OR5K1: variants seen among roughly 807,000 people sequenced by gnomAD.
The protein encoded by OR5K1 is olfactory receptor family 5 subfamily K member 1, also known as olfactory receptor 5K1.
A neutral mutation model predicts 10.4 loss-of-function variants in OR5K1; 7 were observed. That is an observed-to-expected ratio of 0.67 (90% CI 0.38 to 1.26). The LOEUF (loss-of-function observed/expected upper bound fraction) is 1.26, where lower values mean the gene tolerates loss of function less well. OR5K1 is among the 50% of genes most tolerant of loss of function. The pLI, the probability that OR5K1 is intolerant of heterozygous loss-of-function variation, is 0.02. For synonymous variants in OR5K1, 135 were observed against 128.5 expected (o/e 1.05, Z -0.34); for missense variants, 435 against 366.2 (o/e 1.19, Z -1.53).
chr3:98,463,404 A>G (rs975916512), intron 1 of OR5K1, 97 bp downstream of exon 1: 4 of 152,152 alleles, frequency 2.6e-5, no homozygotes, highest in Admixed American at 6.5e-5. Flanking sequence ...TAAAACTCTA[A>G]TTTTTCAATG....
intron 1 of OR5K1, among the ~76,000 whole-genome samples, chr3:98,468,927 C>T (rs1705406497): frequency 1.3e-5 from 2 of 152,098 alleles, no homozygotes; most frequent in Admixed American, 1.3e-4. Context: ...TTCTCTGGAT[C>T]TTTCTGTCAA....
In OR5K1 at chr3:98,470,596, A is replaced by G; in HGVS notation, c.*93A>G. On this transcript the variant is annotated 3_prime_UTR_variant, in exon 2 of 2. Transcript: ENST00000642057. ...ATGTGAAATTACACAGGGGAAATGC[A>G]TAAATTATAAGTAAAATTTTAATAT... 2 of 675,818 alleles carry G rather than the reference A, an allele frequency of 3.0e-6. No homozygotes were observed. The highest frequency in any genetic ancestry group is 6.5e-5 in the Admixed American group (2 of 30,704). The allele number at this position is 675,818 out of a possible 1,614,324, so 41.9% of individuals were successfully genotyped here. A position where few individuals can be genotyped will look rare whatever the true frequency, so the allele number is the denominator to read the frequency against.
rs1254747654 is a variant in OR5K1, at chr3:98,471,889, T to G, written c.*1386T>G. The G allele has an allele frequency of 6.6e-6, 1 of 152,026 alleles. No homozygotes were observed. Among genetic ancestry groups the G allele is most frequent in the Non-Finnish European group, 1.5e-5 (1 of 67,968 alleles). The allele number at this position is 152,026 out of a possible 1,614,324, so 9.4% of individuals were successfully genotyped here. Reference sequence around the variant, plus strand: ...AACCACCTAGTTTTTCTTTGTAACCTCCAAGAAAATCTAACCTAGTTCATT... The same window carrying G: ...AACCACCTAGTTTTTCTTTGTAACCGCCAAGAAAATCTAACCTAGTTCATT... On this transcript the variant is annotated 3_prime_UTR_variant, in exon 2 of 2. Transcript: ENST00000642057.
intron 1 of OR5K1, among the ~76,000 whole-genome samples, chr3:98,464,957 A>C (rs556731413): frequency 6.6e-6 from 1 of 152,310 alleles, no homozygotes; most frequent in South Asian, 2.1e-4. Flanking sequence ...TTAAATTCCC[A>C]TGATTATTGT....
In OR5K1 at chr3:98,469,991, A is replaced by C. The variant is rs577326972; in HGVS notation, c.415A>C (p.Lys139Gln). Residue 139 changes from lysine to glutamine, a missense_variant, in exon 2 of 2, where the codon AAA becomes CAA. Transcript: ENST00000642057. ...PLQYHIMMSK[K>Q]LCIQMTTGAF... The stretch of plus-strand genomic sequence containing the variant: ...GCAGTACCACATCATGATGTCCAAG[A>C]AACTCTGCATTCAGATGACCACAGG... 2.5e-6 allele frequency: 4 copies of C among 1,613,730 alleles called. No homozygotes were observed. In the South Asian group the frequency reaches 4.4e-5, roughly 18 times the overall value.
chr3:98,469,424 C>CA (rs1705413623), intron 1 of OR5K1, 142 bp from the exon 2 acceptor site: 2 of 697,338 alleles, frequency 2.9e-6, no homozygotes, highest in Non-Finnish European at 4.8e-6. Flanking sequence ...ATTCATTCTC[C>CA]CCATGAATGG....
intron 1 of OR5K1, among the ~76,000 whole-genome samples, chr3:98,464,751 T>C (rs893556725): frequency 4.6e-5 from 7 of 152,178 alleles, no homozygotes; most frequent in Admixed American, 1.3e-4. Flanking sequence ...ATTGCTTCCA[T>C]AGAGGAGGTG....
rs1203616871 is a variant in OR5K1 at position 98,469,583 on chromosome 3, G to A, written c.7G>A (p.Glu3Lys). 1.9e-6 allele frequency: 3 copies of A among 1,607,486 alleles called. No homozygotes were observed. Among genetic ancestry groups the A allele is most frequent in the African/African-American group, 2.7e-5 (2 of 74,684 alleles). Reference protein sequence around the residue: MAEENHTMKNEFI... With the variant: MAKENHTMKNEFI... ...TTTTTCAGACAAGTCAGGAATGGCTGAAGAAAATCATACCATGAAAAATGA... is the reference window on the plus strand; with the variant it reads ...TTTTTCAGACAAGTCAGGAATGGCTAAAGAAAATCATACCATGAAAAATGA... Residue 3 changes from glutamate to lysine, a missense_variant, in exon 2 of 2, where the codon GAA (glutamate) becomes AAA (lysine). By Grantham distance (56) the Glu-to-Lys change is moderately conservative. Coordinates refer to ENST00000642057, the MANE Select transcript of OR5K1 (RefSeq NM_001004736.4).
chr3:98,470,313 T>C lies in OR5K1; in HGVS notation c.737T>C (p.Leu246Ser), dbSNP rs201123313. ...TTTTCTACCTGTGCATCCCACTTTT[T>C]GTCAGTTTCATTATTCTATGGATCT... ...KAFSTCASHF[L>S]SVSLFYGSLF... is the part of the protein sequence containing the mutation. Residue 246 changes from leucine (L) to serine (S), a missense_variant, in exon 2 of 2, where the codon TTG becomes TCG. Physicochemically the swap from Leu to Ser is moderately radical, Grantham distance 145 (BLOSUM62 -2). Transcript: ENST00000642057. 1.1e-4 allele frequency: 179 copies of C among 1,613,236 alleles called. No homozygotes were observed. Among genetic ancestry groups the C allele is most frequent in the Non-Finnish European group, 1.2e-4 (139 of 1,179,644 alleles).
At chr3:98,467,215 T>C (rs1382038113) in intron 1 of OR5K1, among the ~76,000 whole-genome samples, 1 of 90,476 alleles carries the variant, frequency 1.1e-5, no homozygotes, top group East Asian at 3.3e-4. Flanking sequence ...GTTGTAGATA[T>C]GCAGCATTAT....
In OR5K1 at chr3:98,471,194, T is replaced by A. The variant is rs970369094; in HGVS notation, c.*691T>A. 2.0e-5 allele frequency: 3 copies of A among 152,022 alleles called. No individual in the cohort carries two copies. Among genetic ancestry groups the A allele is most frequent in the Non-Finnish European group, 4.4e-5 (3 of 67,978 alleles). 9.4% of individuals were successfully genotyped at this position (152,022 alleles called of 1,614,324 possible). On this transcript the variant is annotated 3_prime_UTR_variant, in exon 2 of 2. Transcript: ENST00000642057. ...TTATCTACTCCCATATCTACCTGCATAAATATACCATAACACAAACTTCCA... is the reference window on the plus strand; with the variant it reads ...TTATCTACTCCCATATCTACCTGCAAAAATATACCATAACACAAACTTCCA...
At position 98,471,344 on chromosome 3, in the gene OR5K1, G is replaced by T. The variant is rs1190607886; in HGVS notation, c.*841G>T. The T allele has an allele frequency of 6.6e-6, 1 of 151,914 alleles. No homozygotes were observed. Among genetic ancestry groups the T allele is most frequent in the African/African-American group, 2.4e-5 (1 of 41,390 alleles). 9.4% of individuals were successfully genotyped at this position (151,914 alleles called of 1,614,324 possible). A position where few individuals can be genotyped will look rare whatever the true frequency, so the allele number is the denominator to read the frequency against. ...TCAACAATAGAGACCACTACCCTGGGTATATTATATATAGAAATGTAAAAC... is the reference window on the plus strand; with the variant it reads ...TCAACAATAGAGACCACTACCCTGGTTATATTATATATAGAAATGTAAAAC... On this transcript the variant is annotated 3_prime_UTR_variant, in exon 2 of 2. Transcript: ENST00000642057.
Position 98,469,777 on chromosome 3 carries a change from T to G in OR5K1, c.201T>G (p.Ala67=), listed in dbSNP as rs1705419438. The change falls in exon 2 of 2, where the codon GCT becomes GCG. Residue 67 remains alanine, a synonymous_variant. Coordinates refer to ENST00000642057, the MANE Select transcript of OR5K1 (RefSeq NM_001004736.4). ...TGTACATCTTTCTGGGAAATCTGGC[T>G]CTTGTGGATTCTTGCTGTGCCTGTG... ...TPMYIFLGNL[A]LVDSCCACAI... The G allele has an allele frequency of 6.2e-7, 1 of 1,613,624 alleles. No individual in the cohort carries two copies. The highest frequency in any genetic ancestry group is 1.3e-5 in the African/African-American group (1 of 74,890).
At position 98,469,704 on chromosome 3, in the gene OR5K1, T is replaced by C. The variant is rs201543445; in HGVS notation, c.128T>C (p.Ile43Thr). 477 of 1,613,750 alleles carry C rather than the reference T, an allele frequency of 3.0e-4. No homozygotes were observed. The African/African-American group carries it at 5.5e-3, about 18-fold the overall frequency. ...TATCTGATCACCGTGGTGGGGAATATTAGTTTGGTGGCACTGATATTTACA... is the reference window on the plus strand; with the variant it reads ...TATCTGATCACCGTGGTGGGGAATACTAGTTTGGTGGCACTGATATTTACA... ...AIYLITVVGN[I>T]SLVALIFTHR... The change falls in exon 2 of 2, where the codon ATT becomes ACT. Residue 43 changes from isoleucine (I) to threonine (T), a missense_variant. Coordinates refer to ENST00000642057, the MANE Select transcript of OR5K1 (RefSeq NM_001004736.4).
At position 98,471,569 on chromosome 3, in the gene OR5K1, A is replaced by G. The variant is rs989641422; in HGVS notation, c.*1066A>G. On this transcript the variant is annotated 3_prime_UTR_variant, in exon 2 of 2. Coordinates refer to ENST00000642057, the MANE Select transcript of OR5K1 (RefSeq NM_001004736.4). ...ATTGTTCTGGGTGTTGGGCCATATC[A>G]GTTACAAAAAATGCCAGTTTTTCCA... 6.6e-6 allele frequency: 1 copy of G among 152,038 alleles called. No individual in the cohort carries two copies. Among genetic ancestry groups the G allele is most frequent in the Non-Finnish European group, 1.5e-5 (1 of 67,970 alleles). 9.4% of individuals were successfully genotyped at this position (152,038 alleles called of 1,614,324 possible).
rs1705419163 is a variant in OR5K1, at chr3:98,469,765, G to A, written c.189G>A (p.Leu63=). Residue 63 remains leucine, a synonymous_variant, in exon 2 of 2, where the codon CTG becomes CTA. Coordinates refer to ENST00000642057, the MANE Select transcript of OR5K1 (RefSeq NM_001004736.4). ...RRLHTPMYIF[L]GNLALVDSCC... is the part of the protein sequence containing the mutation. Reference sequence around the variant, plus strand: ...TTCACACACCAATGTACATCTTTCTGGGAAATCTGGCTCTTGTGGATTCTT... The same window carrying A: ...TTCACACACCAATGTACATCTTTCTAGGAAATCTGGCTCTTGTGGATTCTT... The A allele has an allele frequency of 1.9e-6, 3 of 1,613,720 alleles. No homozygotes were observed. Among genetic ancestry groups the A allele is most frequent in the Non-Finnish European group, 1.7e-6 (2 of 1,179,804 alleles).
In OR5K1 at chr3:98,471,498, A is replaced by G. The variant is rs1357244753; in HGVS notation, c.*995A>G. The G allele has an allele frequency of 1.3e-5, 2 of 152,000 alleles. No homozygotes were observed. Among genetic ancestry groups the G allele is most frequent in the African/African-American group, 2.4e-5 (1 of 41,420 alleles). The allele number at this position is 152,000 out of a possible 1,614,324, so 9.4% of individuals were successfully genotyped here. A position where few individuals can be genotyped will look rare whatever the true frequency, so the allele number is the denominator to read the frequency against. ...ATATCATTTTAAAAATTACTTTCCA[A>G]TTATTCACTCAACATATATTTATTG... is the stretch of plus-strand genomic sequence containing the variant. On this transcript the variant is annotated 3_prime_UTR_variant, in exon 2 of 2. Transcript: ENST00000642057.
chr3:98,465,396 A>G (rs958580055), intron 1 of OR5K1, among the ~76,000 whole-genome samples: 42 of 152,104 alleles, frequency 2.8e-4, no homozygotes, highest in Admixed American at 8.5e-4. Flanking sequence ...CCACTTTTAG[A>G]TGTTTTGAAT....
At chr3:98,464,085 C>T (rs1463718822) in intron 1 of OR5K1, among the ~76,000 whole-genome samples, 5 of 151,802 alleles carry the variant, frequency 3.3e-5, no homozygotes, top group African/African-American at 4.8e-5. Flanking sequence ...TGAAACCCCA[C>T]CTCTGCTAAA....
Sources: allele counts gnomAD v4.1 joint callset (sites outside exome capture counted in the v4.1 genomes callset), GRCh38; gene constraint gnomAD v4.1.1; transcripts MANE v1.5; gene names NCBI Gene and HGNC (gene_info 2026-07-23, HGNC 2026-07-21).